Variants in MACROD2 observed in about 807,000 individuals in gnomAD.
MACROD2 encodes the protein mono-ADP ribosylhydrolase 2.
In MACROD2, 36 loss-of-function variants were observed where a neutral mutation model predicts 70.4. That is an observed-to-expected ratio of 0.51 (90% CI 0.39 to 0.68). MACROD2 has a LOEUF of 0.68. Among genes scored for constraint, MACROD2 ranks in the 30% least tolerant of loss-of-function variants. The pLI, the probability that MACROD2 is intolerant of heterozygous loss-of-function variation, is 0.00. For synonymous variants in MACROD2, 172 were observed against 178.8 expected, an observed-to-expected ratio of 0.96 and a Z score of 0.30; for missense variants, 496 against 538.4, an observed-to-expected ratio of 0.92 and a Z score of 0.78.
chr20:15,601,136 G>A (rs2146688297), intron 8 of MACROD2, among the ~76,000 whole-genome samples: 1 of 152,298 alleles, frequency 6.6e-6, no homozygotes, highest in East Asian at 1.9e-4. Context: ...ATCCATATTT[G>A]TTACCTTCTG....
intron 15 of MACROD2, among the ~76,000 whole-genome samples, chr20:16,003,223 G>A (rs2066739741): frequency 6.6e-6 from 1 of 152,082 alleles, no homozygotes; most frequent in African/African-American, 2.4e-5. Context: ...AGTAGCTTCA[G>A]CATCATCTAG....
At chr20:14,696,917 T>C (rs1785622343) in intron 5 of MACROD2, among the ~76,000 whole-genome samples, 2 of 152,328 alleles carry the variant, frequency 1.3e-5, no homozygotes, top group African/African-American at 4.8e-5. Context: ...ATGTTACTCC[T>C]ATACTTAGTA....
At chr20:15,517,986 C>T (rs991559977) in intron 8 of MACROD2, among the ~76,000 whole-genome samples, 9 of 152,286 alleles carry the variant, frequency 5.9e-5, no homozygotes, top group African/African-American at 1.4e-4. Flanking sequence ...AGGCACAGAC[C>T]ATCAAAAGTC....
At chr20:15,261,819 C>T (rs1461842066) in intron 6 of MACROD2, among the ~76,000 whole-genome samples, 1 of 151,916 alleles carries the variant, frequency 6.6e-6, no homozygotes, top group Admixed American at 6.6e-5. Context: ...GACATTGAAA[C>T]CCAGAACAAT....
chr20:14,972,459 G>C (rs2074700615), intron 5 of MACROD2, among the ~76,000 whole-genome samples: 1 of 152,048 alleles, frequency 6.6e-6, no homozygotes, highest in Non-Finnish European at 1.5e-5. Context: ...AAATTCATGG[G>C]TGACTCAGCA....
rs183880799 is a variant in MACROD2 at position 14,766,449 on chromosome 20, C to T, written c.418+81490C>T. On this transcript the variant is annotated intron_variant, in intron 5 of 17. Transcript: ENST00000684519. ...GTGGTAAAAGGCAATTTTATGGCAG[C>T]GCCAGGAAGAAAAAGAGGGTCAAAT... Among the ~76,000 whole-genome samples, 412 of 151,916 alleles carry T rather than the reference C, an allele frequency of 2.7e-3. 2 individuals are homozygous for T. Among genetic ancestry groups the T allele is most frequent in the African/African-American group, 8.8e-3 (366 of 41,372 alleles).
At chr20:14,780,828 T>C (rs1227284304) in intron 5 of MACROD2, among the ~76,000 whole-genome samples, 1 of 152,076 alleles carries the variant, frequency 6.6e-6, no homozygotes, top group African/African-American at 2.4e-5. Flanking sequence ...AAATCTAGGA[T>C]CTTTATAAAA....
chr20:14,483,626 G>C (rs1051329263), intron 3 of MACROD2, among the ~76,000 whole-genome samples: 2 of 152,046 alleles, frequency 1.3e-5, no homozygotes, highest in African/African-American at 4.8e-5. Flanking sequence ...CACTGGTCTC[G>C]AACTCCCGAC....
chr20:15,267,775 G>A (rs2077309036), intron 6 of MACROD2, among the ~76,000 whole-genome samples: 1 of 152,130 alleles, frequency 6.6e-6, no homozygotes, highest in Non-Finnish European at 1.5e-5. Context: ...GATGGGACGG[G>A]GCCTTGGGAA....
intron 8 of MACROD2, among the ~76,000 whole-genome samples, chr20:15,847,800 T>C (rs1163532717): frequency 6.6e-6 from 1 of 152,218 alleles, no homozygotes; most frequent in Non-Finnish European, 1.5e-5. Context: ...TTGACATTTC[T>C]ATGCCGTAGT....
intron 8 of MACROD2, among the ~76,000 whole-genome samples, chr20:15,773,703 T>C (rs1328427620): frequency 6.6e-6 from 1 of 152,140 alleles, no homozygotes. Flanking sequence ...GTTGTTGTTT[T>C]TCCTGAAGAC....
intron 5 of MACROD2, among the ~76,000 whole-genome samples, chr20:14,911,202 G>A (rs1214576908): frequency 6.6e-6 from 1 of 152,074 alleles, no homozygotes; most frequent in Non-Finnish European, 1.5e-5. Flanking sequence ...AGTCCGTATT[G>A]GCAACTTCTA....
At chr20:14,563,614 G>C (rs949985987) in intron 4 of MACROD2, among the ~76,000 whole-genome samples, 3 of 151,944 alleles carry the variant, frequency 2.0e-5, no homozygotes, top group African/African-American at 4.8e-5. Context: ...TCCCATTTAT[G>C]CTTGACTCAG....
At chr20:15,758,976 C>T (rs1047474562) in intron 8 of MACROD2, among the ~76,000 whole-genome samples, 5 of 151,976 alleles carry the variant, frequency 3.3e-5, no homozygotes, top group African/African-American at 1.2e-4. Context: ...GGTAAAACCT[C>T]GTCTCTACTA....
At chr20:14,563,079 C>A (rs934238271) in intron 4 of MACROD2, among the ~76,000 whole-genome samples, 4 of 151,784 alleles carry the variant, frequency 2.6e-5, no homozygotes, top group African/African-American at 9.7e-5. Flanking sequence ...TAGACCTTAC[C>A]ATTGCAGGAG....
chr20:15,406,465 G>A (rs2046002942), intron 6 of MACROD2, among the ~76,000 whole-genome samples: 1 of 152,126 alleles, frequency 6.6e-6, no homozygotes, highest in Middle Eastern at 3.2e-3. Flanking sequence ...TTATAATTAT[G>A]TATTTGTTCT....
intron 3 of MACROD2, among the ~76,000 whole-genome samples, chr20:14,443,430 G>A (rs964593508): frequency 4.6e-5 from 7 of 151,424 alleles, no homozygotes; most frequent in African/African-American, 1.7e-4. Flanking sequence ...CTGAGTAGCT[G>A]GGATTACAGA....
At chr20:15,609,946 G>T (rs1296618692) in intron 8 of MACROD2, among the ~76,000 whole-genome samples, 1 of 152,144 alleles carries the variant, frequency 6.6e-6, no homozygotes, top group East Asian at 1.9e-4. Context: ...TAGCATCATA[G>T]TCTGTGCATT....
chr20:14,202,066 G>A (rs931285224), intron 3 of MACROD2, among the ~76,000 whole-genome samples: 3 of 151,918 alleles, frequency 2.0e-5, no homozygotes, highest in Admixed American at 2.0e-4. Context: ...GATATAAATA[G>A]GAGTCTTTTA....
Sources: allele counts gnomAD v4.1 joint callset (sites outside exome capture counted in the v4.1 genomes callset), GRCh38; gene constraint gnomAD v4.1.1; transcripts MANE v1.5; gene names NCBI Gene and HGNC (gene_info 2026-07-23, HGNC 2026-07-21).